Variants in AKR1C3 observed in about 807,000 individuals in gnomAD.
AKR1C3 encodes aldo-keto reductase family 1 member C3, also known as 3-alpha hydroxysteroid dehydrogenase, type II.
AKR1C3 carries 48 observed loss-of-function variants against 43.6 expected under a neutral mutation model. The observed-to-expected ratio is 1.10, with a 90% CI of 0.87 to 1.40. AKR1C3 has a LOEUF of 1.40. Among genes scored for constraint, AKR1C3 ranks in the 40% most tolerant of loss-of-function variants. The pLI is 0.00. For missense variants in AKR1C3, 482 were observed against 391.2 expected (o/e 1.23, Z -1.96); for synonymous variants, 162 against 139.6 (o/e 1.16, Z -1.13).
At chr10:5,063,490 G>GT (rs1838423235) in intron 1 of AKR1C3, among the ~76,000 whole-genome samples, 1 of 151,980 alleles carries the variant, frequency 6.6e-6, no homozygotes, top group African/African-American at 2.4e-5. Flanking sequence ...ATAGAGAGTG[G>GT]GAAACATTGA....
intron 1 of AKR1C3, among the ~76,000 whole-genome samples, chr10:5,095,459 A>C (rs892427574): frequency 6.6e-5 from 10 of 151,414 alleles, no homozygotes; most frequent in Admixed American, 4.6e-4. Flanking sequence ...TGGCACACTT[A>C]AAGACTGCTC....
In AKR1C3 at chr10:5,094,414, A is replaced by G. The variant is rs1554784820; in HGVS notation, c.-31A>G. The G allele has an allele frequency of 8.7e-6, 14 of 1,610,788 alleles. No individual in the cohort carries two copies. The highest frequency in any genetic ancestry group is 1.2e-5 in the Non-Finnish European group (14 of 1,177,586). On this transcript the variant is annotated 5_prime_UTR_variant, in exon 1 of 9. Transcript: ENST00000380554. Reference sequence around the variant, plus strand: ...GTAATCTCTGAGGAGAAGCAGCAGCAAACATTTGCTAGTCAGACAAGTGAC... The same window carrying G: ...GTAATCTCTGAGGAGAAGCAGCAGCGAACATTTGCTAGTCAGACAAGTGAC...
chr10:5,078,735 G>C lies in AKR1C3; in HGVS notation c.85-17675G>C, dbSNP rs576859641. Among the ~76,000 whole-genome samples, 8 of 152,338 alleles carry C rather than the reference G, an allele frequency of 5.3e-5. No individual in the cohort carries two copies. The East Asian group carries it at 1.5e-3, about 29-fold the overall frequency. ...TATAGGCAGGGCCCAGAGAGATTAA[G>C]AGCACATGTGGTTTAAATGCTGTTA... On this transcript the variant is annotated intron_variant, in intron 1 of 8. Coordinates refer to the AKR1C3 transcript ENST00000439082.
chr10:5,106,969 CT>C (rs1839518669), intron 8 of AKR1C3, among the ~76,000 whole-genome samples: 1 of 151,994 alleles, frequency 6.6e-6, no homozygotes, highest in Non-Finnish European at 1.5e-5. Flanking sequence ...ATGAGTAATT[CT>C]TATCATCCAT....
At position 5,063,764 on chromosome 10, in the gene AKR1C3, GC is replaced by G. The variant is rs1366597765; in HGVS notation, c.84+14870del. On this transcript the variant is annotated intron_variant, in intron 1 of 8. Transcript: ENST00000439082. ...GAGGACAGAGGTAGTCTCTGTCTCAGCAAAAAAAAAAAAAAAAAAAAAAAAG... is the reference window on the plus strand; with the variant it reads ...GAGGACAGAGGTAGTCTCTGTCTCAGAAAAAAAAAAAAAAAAAAAAAAAAG... 6.9e-4 allele frequency among the ~76,000 whole-genome samples: 23 copies of G among 33,432 alleles called. 1 individual carries two copies. Among genetic ancestry groups the G allele is most frequent in the East Asian group, 2.1e-3 (3 of 1,408 alleles). The allele number at this position is 33,432 out of a possible 152,430, so 21.9% of individuals were successfully genotyped here.
intron 1 of AKR1C3, among the ~76,000 whole-genome samples, chr10:5,074,318 T>G (rs1838667489): frequency 1.3e-5 from 2 of 152,230 alleles, no homozygotes; most frequent in South Asian, 4.1e-4. Context: ...CTGAGACCTC[T>G]CTCAGATTTT....
chr10:5,089,892 G>A (rs145648207), upstream of AKR1C3, among the ~76,000 whole-genome samples: 222 of 152,180 alleles, frequency 1.5e-3, no homozygotes, highest in African/African-American at 4.9e-3. Context: ...CATTCATTCC[G>A]ATGGAATTCT....
In AKR1C3 at chr10:5,096,988, T is replaced by C. The variant is rs533930826; in HGVS notation, c.252+411T>C. Among the ~76,000 whole-genome samples the C allele has an allele frequency of 3.3e-5, 5 of 152,298 alleles. No individual in the cohort carries two copies. In the East Asian group the frequency reaches 9.6e-4, roughly 29 times the overall value. On this transcript the variant is annotated intron_variant, in intron 2 of 8. Transcript: ENST00000380554. ...TCTGGGAGTATTAAATAATAGACAC[T>C]TAAATTGTCCTAAATTGTGTCCAGC...
At chr10:5,082,588 T>A (rs1838861623) in intron 1 of AKR1C3, among the ~76,000 whole-genome samples, 1 of 152,182 alleles carries the variant, frequency 6.6e-6, no homozygotes, top group Admixed American at 6.6e-5. Context: ...AATCGTGGTG[T>A]AATCATGTTC....
intron 1 of AKR1C3, among the ~76,000 whole-genome samples, chr10:5,078,447 T>C (rs1554782052): frequency 6.6e-6 from 1 of 150,408 alleles, no homozygotes; most frequent in Non-Finnish European, 1.5e-5. Flanking sequence ...CTGTCTCAAA[T>C]AATAATAACC....
intron 1 of AKR1C3, chr10:5,081,873 G>A (rs1443014774): frequency 6.6e-6 from 1 of 152,172 alleles, no homozygotes; most frequent in African/African-American, 2.4e-5. Context: ...GAAGAGGACA[G>A]AAGAAGAAAC....
intron 1 of AKR1C3, among the ~76,000 whole-genome samples, chr10:5,079,912 G>C (rs539476445): frequency 6.6e-6 from 1 of 152,172 alleles, no homozygotes; most frequent in Non-Finnish European, 1.5e-5. Flanking sequence ...TCAGAAGGGC[G>C]AGGAAAGAAA....
At chr10:5,082,534 G>C (rs1838859433) in intron 1 of AKR1C3, among the ~76,000 whole-genome samples, 1 of 151,902 alleles carries the variant, frequency 6.6e-6, no homozygotes, top group Admixed American at 6.6e-5. Context: ...GGCATCTGTT[G>C]GGATGATCAT....
intron 1 of AKR1C3, among the ~76,000 whole-genome samples, chr10:5,062,602 A>G (rs1838402016): frequency 6.6e-6 from 1 of 152,190 alleles, no homozygotes; most frequent in Non-Finnish European, 1.5e-5. Context: ...TATTTTAACT[A>G]ATAATTATTT....
chr10:5,050,036 T>G (rs1207396467), intron 1 of AKR1C3, among the ~76,000 whole-genome samples: 1 of 99,570 alleles, frequency 1.0e-5, no homozygotes, highest in Non-Finnish European at 2.0e-5. Context: ...ATTAGATGTT[T>G]CCAAAATTTG....
chr10:5,093,660 C>G (rs1427781633), upstream of AKR1C3: 2 of 152,066 alleles, frequency 1.3e-5, no homozygotes, highest in African/African-American at 4.8e-5. Flanking sequence ...TCTTGATAGT[C>G]TGTAATAAAC....
chr10:5,053,908 G>C (rs12569549), intron 1 of AKR1C3, among the ~76,000 whole-genome samples: 8,123 of 152,206 alleles, frequency 0.053, 282 homozygotes, highest in East Asian at 0.16. Flanking sequence ...CTTGATTCTA[G>C]AGGAAACAAA....
Position 5,105,592 on chromosome 10 carries a change from TAGGTTTTTGAGTTCCAGTTGACTGCAGA to T in AKR1C3, c.847-2_872del. ...AATAATAAAAGTTTTTTATTTCTGA[TAGGTTTTTGAGTTCCAGTTGACTGCAGA>T]GGACATGAAAGCCATAGATGGCCTA... On this transcript the variant is annotated splice_acceptor_variant and coding_sequence_variant, in exon 8 of 9. Coordinates refer to ENST00000380554, the MANE Select transcript of AKR1C3 (RefSeq NM_003739.6). LOFTEE classifies it high-confidence loss of function. 6.2e-7 allele frequency: 1 copy of T among 1,612,094 alleles called. No individual in the cohort carries two copies. The highest frequency in any genetic ancestry group is 8.5e-7 in the Non-Finnish European group (1 of 1,178,858).
intron 1 of AKR1C3, among the ~76,000 whole-genome samples, chr10:5,052,185 C>T (rs1838167502): frequency 6.6e-6 from 1 of 152,098 alleles, no homozygotes; most frequent in African/African-American, 2.4e-5. Context: ...AGTGTTACAG[C>T]TCTTAAGGTG....
Sources: allele counts gnomAD v4.1 joint callset (sites outside exome capture counted in the v4.1 genomes callset), GRCh38; gene constraint gnomAD v4.1.1; transcripts MANE v1.5; gene names NCBI Gene and HGNC (gene_info 2026-07-23, HGNC 2026-07-21).